Variants in CD82 observed in about 807,000 individuals in gnomAD.
The protein encoded by CD82 is CD82 antigen.
A neutral mutation model predicts 37.4 loss-of-function variants in CD82; 36 were observed. The observed-to-expected ratio is 0.96, with a 90% confidence interval of 0.74 to 1.27. CD82 has a LOEUF of 1.27. Ranked by LOEUF, CD82 falls within the 50% of genes most tolerant of loss-of-function variation. The probability of loss-of-function intolerance (pLI) is 0.00; values close to 1 mark genes in which losing one functional copy is unlikely to be tolerated. For missense variants in CD82, 340 were observed against 347.0 expected (o/e 0.98, Z 0.16); for synonymous variants, 158 against 137.4 (o/e 1.15, Z -1.05).
intron 4 of CD82, among the ~76,000 whole-genome samples, chr11:44,601,373 G>A (rs1016741296): frequency 6.6e-6 from 1 of 152,122 alleles, no homozygotes; most frequent in Admixed American, 6.5e-5. Context: ...TGCACCCCGG[G>A]GCTATCAGTC....
At chr11:44,612,394 G>A (rs1450451055) in intron 6 of CD82, among the ~76,000 whole-genome samples, 1 of 152,142 alleles carries the variant, frequency 6.6e-6, no homozygotes, top group Non-Finnish European at 1.5e-5. Flanking sequence ...CTGCTGTGAA[G>A]ATTCAGTTGA....
At chr11:44,595,787 T>C (rs1853214390) in intron 3 of CD82, among the ~76,000 whole-genome samples, 1 of 151,468 alleles carries the variant, frequency 6.6e-6, no homozygotes, top group Non-Finnish European at 1.5e-5. Flanking sequence ...ATTCCCCTTC[T>C]GGCCAGACAT....
chr11:44,577,853 C>G (rs1382107325), intron 1 of CD82, among the ~76,000 whole-genome samples: 1 of 152,204 alleles, frequency 6.6e-6, no homozygotes, highest in Non-Finnish European at 1.5e-5. Flanking sequence ...CGGGTTGGGC[C>G]TTGGCCTAAG....
intron 1 of CD82, among the ~76,000 whole-genome samples, chr11:44,569,934 A>AT (rs1852791256): frequency 6.6e-6 from 1 of 152,238 alleles, no homozygotes; most frequent in Admixed American, 6.5e-5. Context: ...AAAAGTGCAC[A>AT]TGAAATGCTT....
chr11:44,611,840 C>G (rs1425492747), intron 6 of CD82, among the ~76,000 whole-genome samples: 2 of 152,108 alleles, frequency 1.3e-5, no homozygotes, highest in African/African-American at 4.8e-5. Context: ...TGTGGTGTTT[C>G]CATGGAAACC....
At chr11:44,608,116 C>A (rs548799974) in intron 6 of CD82, 1 of 152,230 alleles carries the variant, frequency 6.6e-6, no homozygotes, top group South Asian at 2.1e-4. Context: ...ATATTTTTTT[C>A]TTTCGCAACG....
intron 6 of CD82, chr11:44,606,580 A>G (rs1267011329): frequency 2.0e-5 from 3 of 152,346 alleles, no homozygotes; most frequent in Admixed American, 6.5e-5. Context: ...CAGACTCTAA[A>G]GACAGAGGCA....
chr11:44,586,463 G>A (rs1853056344), intron 1 of CD82, among the ~76,000 whole-genome samples: 1 of 152,172 alleles, frequency 6.6e-6, no homozygotes, highest in Non-Finnish European at 1.5e-5. Context: ...AGGCATTTGA[G>A]ACAAGTCTGG....
At position 44,619,381 on chromosome 11, in the gene CD82, T is replaced by A; in HGVS notation, c.*255T>A. The stretch of plus-strand genomic sequence containing the variant: ...CTCTTAGCAACTCAGAGAAAAATGC[T>A]CCCCACAGCGTCCCTGGCGCAGGTG... On this transcript the variant is annotated 3_prime_UTR_variant, in exon 10 of 10. Transcript: ENST00000227155. The A allele has an allele frequency of 1.9e-6, 1 of 529,884 alleles. No homozygotes were observed. Among genetic ancestry groups the A allele is most frequent in the Non-Finnish European group, 3.4e-6 (1 of 293,404 alleles). The allele number at this position is 529,884 out of a possible 1,614,324, so 32.8% of individuals were successfully genotyped here. A position where few individuals can be genotyped will look rare whatever the true frequency, so the allele number is the denominator to read the frequency against.
At chr11:44,609,398 T>C (rs1489447895) in intron 6 of CD82, among the ~76,000 whole-genome samples, 1 of 152,044 alleles carries the variant, frequency 6.6e-6, no homozygotes, top group Non-Finnish European at 1.5e-5. Context: ...AGGCCATACC[T>C]GTGCCAGGGA....
At chr11:44,598,679 C>A (rs1406877620) in intron 3 of CD82, among the ~76,000 whole-genome samples, 1 of 152,066 alleles carries the variant, frequency 6.6e-6, no homozygotes, top group Admixed American at 6.5e-5. Flanking sequence ...GGTGCCTCCT[C>A]ATGTGTTACA....
At chr11:44,568,723 C>A (rs1375205475) in intron 1 of CD82, among the ~76,000 whole-genome samples, 6 of 152,186 alleles carry the variant, frequency 3.9e-5, no homozygotes, top group African/African-American at 1.2e-4. Context: ...GGGGGCGGCC[C>A]CCTCTGTCTT....
At chr11:44,567,062 A>G (rs895191849) in intron 1 of CD82, among the ~76,000 whole-genome samples, 2 of 152,162 alleles carry the variant, frequency 1.3e-5, no homozygotes, top group East Asian at 1.9e-4. Context: ...GTTGCTGACA[A>G]TGAGGGCTCC....
intron 7 of CD82, among the ~76,000 whole-genome samples, chr11:44,616,363 A>T (rs1333326649): frequency 6.6e-6 from 1 of 152,158 alleles, no homozygotes; most frequent in Non-Finnish European, 1.5e-5. Flanking sequence ...TTGGTCGCAT[A>T]TGTAGTTTGA....
At position 44,610,904 on chromosome 11, in the gene CD82, G is replaced by A. The variant is rs569214204; in HGVS notation, c.337-4368G>A. ...GGCTGGAGTGCAGTGGGATGATCTC[G>A]GCCCACTGCAACCTCCACTTTCTGG... On this transcript the variant is annotated intron_variant, in intron 6 of 9. Transcript: ENST00000227155. Among the ~76,000 whole-genome samples the A allele has an allele frequency of 9.5e-4, 144 of 151,596 alleles. 1 individual carries two copies. The highest frequency in any genetic ancestry group is 3.3e-3 in the African/African-American group (137 of 41,320).
chr11:44,604,849 G>T (rs1853364541), intron 4 of CD82: 1 of 629,324 alleles, frequency 1.6e-6, no homozygotes. Flanking sequence ...GGCTGGATGA[G>T]GGTGTGGATT....
chr11:44,600,910 A>C (rs1442438956), intron 4 of CD82, among the ~76,000 whole-genome samples: 2 of 152,212 alleles, frequency 1.3e-5, no homozygotes, highest in Non-Finnish European at 2.9e-5. Context: ...CTCGAACTCC[A>C]AGAGCTTTGG....
chr11:44,568,299 G>T (rs1379439592), intron 1 of CD82, among the ~76,000 whole-genome samples: 1 of 152,132 alleles, frequency 6.6e-6, no homozygotes. Context: ...GAGAGCAAAG[G>T]CACCATTGGA....
At chr11:44,574,113 G>A (rs1217714901) in intron 1 of CD82, among the ~76,000 whole-genome samples, 4 of 152,148 alleles carry the variant, frequency 2.6e-5, no homozygotes, top group African/African-American at 9.7e-5. Flanking sequence ...AGAAGACTTA[G>A]ATTCTCTGTA....
Sources: gnomAD v4.1 joint callset for allele counts (sites outside exome capture counted in the v4.1 genomes callset) on GRCh38, gnomAD v4.1.1 for gene constraint, MANE v1.5 for transcripts, NCBI Gene and HGNC (gene_info 2026-07-23, HGNC 2026-07-21) for gene names.